PTPN2: variants seen among roughly 807,000 people sequenced by gnomAD.
PTPN2 encodes the protein tyrosine-protein phosphatase non-receptor type 2.
In PTPN2, 19 loss-of-function variants were observed where a neutral mutation model predicts 57.3. The ratio of observed to expected loss-of-function variants is 0.33; its 90% CI spans 0.23 to 0.49. The LOEUF (loss-of-function observed/expected upper bound fraction) is 0.49, where lower values mean the gene tolerates loss of function less well. Among genes scored for constraint, PTPN2 ranks in the 20% least tolerant of loss-of-function variants. PTPN2 has a pLI of 0.99. For missense variants in PTPN2, 358 were observed against 501.1 expected (o/e 0.71, Z 2.73); for synonymous variants, 153 against 164.9 (o/e 0.93, Z 0.55).
At chr18:12,802,250 G>C in intron 7 of PTPN2, 99 bp from the exon 8 acceptor site, 1 of 980,852 alleles carries the variant, frequency 1.0e-6, no homozygotes, top group Non-Finnish European at 1.5e-6. Context: ...TTCAAGTTAA[G>C]AAAACCCAAT....
chr18:12,875,239 C>T (rs2044447237), intron 1 of PTPN2, among the ~76,000 whole-genome samples: 1 of 152,018 alleles, frequency 6.6e-6, no homozygotes, highest in Non-Finnish European at 1.5e-5. Flanking sequence ...TGCTGACCTT[C>T]CCTTCACTAT....
chr18:12,819,820 T>TG (rs759044984), intron 5 of PTPN2, among the ~76,000 whole-genome samples: 1 of 91,962 alleles, frequency 1.1e-5, no homozygotes, highest in African/African-American at 6.1e-5. Flanking sequence ...CAGCGGGGGG[T>TG]GGGGGGGATA....
chr18:12,806,765 C>T (rs572334259), intron 7 of PTPN2, among the ~76,000 whole-genome samples: 12 of 152,134 alleles, frequency 7.9e-5, no homozygotes, highest in African/African-American at 2.4e-4. Flanking sequence ...AACTAGACCC[C>T]TATCTCTCAC....
chr18:12,844,735 G>A (rs1246453914), intron 2 of PTPN2, among the ~76,000 whole-genome samples: 1 of 152,152 alleles, frequency 6.6e-6, no homozygotes, highest in Non-Finnish European at 1.5e-5. Flanking sequence ...GTTTTGAGGA[G>A]CAGAAGTTTT....
At chr18:12,853,422 T>C (rs980391228) in intron 2 of PTPN2, among the ~76,000 whole-genome samples, 1 of 152,234 alleles carries the variant, frequency 6.6e-6, no homozygotes. Flanking sequence ...ATTATAAGCA[T>C]GAGCCACAGC....
At position 12,854,208 on chromosome 18, in the gene PTPN2, A is replaced by G. The variant is rs547824805; in HGVS notation, c.160+4956T>C. ...ACCCCATCTCTACAAAAAATCTAAA[A>G]AACTAGCTCAGCATGGTGGCATGCA... On this transcript the variant is annotated intron_variant, in intron 2 of 8. Transcript: ENST00000309660. Among the ~76,000 whole-genome samples, 3 of 151,926 alleles carry G rather than the reference A, an allele frequency of 2.0e-5. No individual in the cohort carries two copies. In the South Asian group the frequency reaches 6.2e-4, roughly 32 times the overall value.
intron 8 of PTPN2, among the ~76,000 whole-genome samples, chr18:12,794,720 CAAGT>C (rs1291200630): frequency 6.6e-6 from 1 of 152,164 alleles, no homozygotes; most frequent in Non-Finnish European, 1.5e-5. Flanking sequence ...CTCCCACGCT[CAAGT>C]GATTCTCGTG....
Position 12,800,487 on chromosome 18 carries a change from T to A in PTPN2, c.1040+1483A>T, listed in dbSNP as rs1482136080. Among the ~76,000 whole-genome samples the A allele has an allele frequency of 2.6e-5, 4 of 152,212 alleles. No homozygotes were observed. The East Asian group carries it at 7.7e-4, about 29-fold the overall frequency. On this transcript the variant is annotated intron_variant, in intron 8 of 8. Transcript: ENST00000309660. ...AAGATGAAAAAAGGAACCAAAAAAA[T>A]TATGCTTTCTCTTGCAGTCTAAAAC...
At chr18:12,805,518 G>A (rs2041613084) in intron 7 of PTPN2, among the ~76,000 whole-genome samples, 1 of 151,864 alleles carries the variant, frequency 6.6e-6, no homozygotes, top group Non-Finnish European at 1.5e-5. Context: ...TAAGTATGGA[G>A]GAAATTGTGC....
chr18:12,872,649 C>T (rs766593941), intron 1 of PTPN2, among the ~76,000 whole-genome samples: 21 of 152,206 alleles, frequency 1.4e-4, no homozygotes, highest in Admixed American at 3.3e-4. Flanking sequence ...GGCCTATGAA[C>T]CTACTAAAAC....
chr18:12,804,641 T>C (rs551055033), intron 7 of PTPN2, among the ~76,000 whole-genome samples: 7 of 151,968 alleles, frequency 4.6e-5, no homozygotes, highest in African/African-American at 1.4e-4. Flanking sequence ...CTAGAGGAAA[T>C]GGCTAAATTC....
exon 10 of PTPN2, chr18:12,785,671 T>C: frequency 2.8e-6 from 2 of 707,130 alleles, no homozygotes; most frequent in Non-Finnish European, 5.0e-6. Flanking sequence ...CTTCATCCCC[T>C]GGATGTAAAG....
Position 12,793,247 on chromosome 18 carries a change from G to A in PTPN2, c.*1031C>T. ...ATATTCATTAAGTTAAAATGACAAT[G>A]TAAGGTTTGCATATAATCATACTAT... On this transcript the variant is annotated 3_prime_UTR_variant, in exon 9 of 9. Transcript: ENST00000309660. 1 of 975,616 alleles carries A rather than the reference G, an allele frequency of 1.0e-6. No individual in the cohort carries two copies. The highest frequency in any genetic ancestry group is 1.2e-6 in the Non-Finnish European group (1 of 820,906). The allele number at this position is 975,616 out of a possible 1,614,324, so 60.4% of individuals were successfully genotyped here.
intron 8 of PTPN2, 103 bp downstream of exon 8, chr18:12,801,867 T>C (rs748016093): frequency 6.3e-6 from 7 of 1,106,132 alleles, no homozygotes; most frequent in East Asian, 2.5e-5. Flanking sequence ...ATTTTCCTAA[T>C]ATAAAAATTA....
chr18:12,875,381 ATATTCTT>A (rs2044453536), intron 1 of PTPN2, among the ~76,000 whole-genome samples: 1 of 152,002 alleles, frequency 6.6e-6, no homozygotes, highest in Admixed American at 6.5e-5. Context: ...GTGAGAGCTT[ATATTCTT>A]TAAAGTTAGC....
At chr18:12,825,758 A>C (rs1190742715) in intron 5 of PTPN2, 52 bp downstream of exon 5, 1 of 1,513,954 alleles carries the variant, frequency 6.6e-7, no homozygotes, top group South Asian at 1.3e-5. Context: ...ATAAAGAATA[A>C]TTCTTTAAAC....
intron 2 of PTPN2, among the ~76,000 whole-genome samples, chr18:12,855,631 T>A (rs914486751): frequency 4.6e-5 from 7 of 152,072 alleles, no homozygotes; most frequent in African/African-American, 1.7e-4. Flanking sequence ...GATAATTTAC[T>A]CGGTGCAGAG....
chr18:12,860,630 C>T (rs771481624), intron 1 of PTPN2, among the ~76,000 whole-genome samples: 2 of 151,264 alleles, frequency 1.3e-5, no homozygotes, highest in Non-Finnish European at 3.0e-5. Flanking sequence ...AGCCTGGTGA[C>T]GAGCGCCTGT....
At chr18:12,868,979 G>A (rs976664590) in intron 1 of PTPN2, 1 of 152,030 alleles carries the variant, frequency 6.6e-6, no homozygotes, top group African/African-American at 2.4e-5. Context: ...GCAAAACCCT[G>A]TCTCTACTAA....
Sources: allele counts gnomAD v4.1 joint callset (sites outside exome capture counted in the v4.1 genomes callset), GRCh38; gene constraint gnomAD v4.1.1; transcripts MANE v1.5; gene names NCBI Gene and HGNC (gene_info 2026-07-23, HGNC 2026-07-21).